Variants in PCDHA4 observed in about 807,000 individuals in gnomAD.
PCDHA4 encodes the protein protocadherin alpha 4, also known as protocadherin alpha-4.
PCDHA4 carries 49 observed loss-of-function variants against 61.4 expected under a neutral mutation model. That is an observed-to-expected ratio of 0.80 (90% confidence interval 0.63 to 1.01). PCDHA4 has a LOEUF of 1.01. PCDHA4 is among the 50% of genes least tolerant of loss of function. The pLI, the probability that PCDHA4 is intolerant of heterozygous loss-of-function variation, is 0.00. For synonymous variants in PCDHA4, 590 were observed against 550.3 expected (o/e 1.07, Z -1.01); for missense variants, 1,254 against 1,235.8 (o/e 1.01, Z -0.22).
intron 1 of PCDHA4, chr5:140,855,768 T>C (rs1047449445): frequency 1.8e-5 from 7 of 383,760 alleles, no homozygotes; most frequent in East Asian, 1.3e-4. Flanking sequence ...TCCATAGACA[T>C]AAAAATACGT....
intron 1 of PCDHA4, chr5:140,841,757 A>G (rs144800443): frequency 7.4e-6 from 12 of 1,613,818 alleles, no homozygotes; most frequent in African/African-American, 1.3e-5. Context: ...TTCAGAATCC[A>G]GAATGCCAGA....
intron 1 of PCDHA4, among the ~76,000 whole-genome samples, chr5:140,900,615 T>C (rs1554189289): frequency 1.3e-5 from 2 of 152,336 alleles, no homozygotes; most frequent in East Asian, 3.9e-4. Context: ...GACATGTAGA[T>C]TGCTTCCAAA....
intron 1 of PCDHA4, chr5:140,852,548 T>C: frequency 3.3e-6 from 2 of 614,864 alleles, no homozygotes; most frequent in South Asian, 7.0e-5. Context: ...AGTGCTGGGA[T>C]TAAAGCTGTG....
At chr5:140,872,294 T>C in intron 1 of PCDHA4, among the ~76,000 whole-genome samples, 1 of 152,190 alleles carries the variant, frequency 6.6e-6, no homozygotes, top group East Asian at 1.9e-4. Flanking sequence ...AAGCCTTGCA[T>C]TCTTATATGC....
At chr5:140,809,872 A>AT (rs1435895332) in intron 1 of PCDHA4, 4 of 262,694 alleles carry the variant, frequency 1.5e-5, no homozygotes, top group Middle Eastern at 1.2e-3. Context: ...TTTTACTATT[A>AT]TTTAACCTAT....
At position 140,828,141 on chromosome 5, in the gene PCDHA4, C is replaced by T. The variant is rs2150151318; in HGVS notation, c.2385+18569C>T. 8.7e-6 allele frequency: 14 copies of T among 1,613,956 alleles called. No individual in the cohort carries two copies. In the South Asian group the frequency reaches 1.4e-4, roughly 16 times the overall value. On this transcript the variant is annotated intron_variant, in intron 1 of 3. Coordinates refer to ENST00000530339, the MANE Select transcript of PCDHA4 (RefSeq NM_018907.4). ...TTGGGAAAGCAATGTCTGCTCCTCC[C>T]GCTTCTGCTCCTCGCAGCCTGGAAG...
intron 1 of PCDHA4, chr5:140,821,783 A>T (rs2150110665): frequency 2.5e-6 from 4 of 1,610,396 alleles, no homozygotes; most frequent in Non-Finnish European, 2.5e-6. Flanking sequence ...GAGATGGTAT[A>T]TTCCCGGAGA....
At chr5:140,885,179 C>T (rs972760379) in intron 1 of PCDHA4, among the ~76,000 whole-genome samples, 37 of 152,232 alleles carry the variant, frequency 2.4e-4, no homozygotes, top group African/African-American at 8.9e-4. Flanking sequence ...CCTCTAGGCA[C>T]ATCAGTGTTC....
chr5:140,832,634 AG>A (rs1772087918), intron 1 of PCDHA4, among the ~76,000 whole-genome samples: 1 of 152,156 alleles, frequency 6.6e-6, no homozygotes, highest in Non-Finnish European at 1.5e-5. Context: ...AAAAGTTCCT[AG>A]GAGGGTCTTT....
chr5:140,922,177 A>G (rs1194396252), intron 1 of PCDHA4, among the ~76,000 whole-genome samples: 1 of 69,034 alleles, frequency 1.4e-5, no homozygotes, highest in Non-Finnish European at 3.3e-5. Context: ...TACAGCAGAC[A>G]AAAAAAAAGT....
intron 1 of PCDHA4, among the ~76,000 whole-genome samples, chr5:140,942,587 CAT>C (rs2093330311): frequency 6.7e-6 from 1 of 148,732 alleles, no homozygotes; most frequent in East Asian, 2.0e-4. Flanking sequence ...TAGGATGTCA[CAT>C]ATAATTATAG....
intron 3 of PCDHA4, among the ~76,000 whole-genome samples, chr5:141,004,974 G>T (rs557503446): frequency 6.6e-6 from 1 of 152,302 alleles, no homozygotes; most frequent in South Asian, 2.1e-4. Context: ...CTGTAAATTT[G>T]CAGTATCATT....
intron 1 of PCDHA4, among the ~76,000 whole-genome samples, chr5:140,885,718 C>T (rs2060696401): frequency 6.6e-6 from 1 of 152,124 alleles, no homozygotes; most frequent in South Asian, 2.1e-4. Flanking sequence ...CTAATGTGAT[C>T]TCTGTGAAAT....
intron 1 of PCDHA4, among the ~76,000 whole-genome samples, chr5:140,846,376 T>C (rs2150389253): frequency 0.033 from 4,309 of 129,342 alleles, 439 homozygotes; most frequent in African/African-American, 0.12. Flanking sequence ...TTTCTTTCTT[T>C]TTTTTTTTTT....
rs535420158 is a variant in PCDHA4, at chr5:140,966,438, T to TC, written c.2386-12508dup. Reference sequence around the variant, plus strand: ...AGGACTTGCTGAGCCCTCCTACCGCTCCCTTTCCCCCTCCCCCTCTGTCTT... The same window carrying TC: ...AGGACTTGCTGAGCCCTCCTACCGCTCCCCTTTCCCCCTCCCCCTCTGTCTT... On this transcript the variant is annotated intron_variant, in intron 1 of 3. Transcript: ENST00000530339. 1.4e-5 allele frequency: 6 copies of TC among 422,688 alleles called. No homozygotes were observed. The East Asian group carries it at 1.4e-4, about 10-fold the overall frequency. 26.2% of individuals were successfully genotyped at this position (422,688 alleles called of 1,614,324 possible).
chr5:140,839,126 A>G (rs1399665834), intron 1 of PCDHA4, among the ~76,000 whole-genome samples: 8 of 151,272 alleles, frequency 5.3e-5, no homozygotes, highest in East Asian at 3.9e-4. Context: ...ATAATATGTC[A>G]TTCACATAAG....
intron 1 of PCDHA4, among the ~76,000 whole-genome samples, chr5:140,949,282 T>C (rs1308331025): frequency 6.6e-6 from 1 of 151,850 alleles, no homozygotes; most frequent in African/African-American, 2.4e-5. Flanking sequence ...GAAAAGAATG[T>C]ATATTCTGTA....
intron 1 of PCDHA4, chr5:140,824,613 T>G (rs2150135579): frequency 6.5e-5 from 8 of 122,680 alleles, no homozygotes; most frequent in Middle Eastern, 3.6e-3. Flanking sequence ...AATTAAAGTT[T>G]TTTTTTTTTT....
In PCDHA4 at chr5:140,858,166, C is replaced by T. The variant is rs781812057; in HGVS notation, c.2385+48594C>T. 1.9e-6 allele frequency: 3 copies of T among 1,597,908 alleles called. 1 individual carries two copies. The South Asian group carries it at 3.3e-5, about 18-fold the overall frequency. On this transcript the variant is annotated intron_variant, in intron 1 of 3. Transcript: ENST00000530339. ...TGATCATCGCCATCTGCGCGGTGTC[C>T]AGCTTGCTGGTGCTCACGCTGCTGC...
Sources: allele counts gnomAD v4.1 joint callset (sites outside exome capture counted in the v4.1 genomes callset), GRCh38; gene constraint gnomAD v4.1.1; transcripts MANE v1.5; gene names NCBI Gene and HGNC (gene_info 2026-07-23, HGNC 2026-07-21).